Variants in HCRTR2 observed in about 807,000 individuals in gnomAD.
HCRTR2 encodes the protein hypocretin receptor 2.
Under a neutral mutation model 49.0 loss-of-function variants are expected in HCRTR2, and 22 were observed. The ratio of observed to expected loss-of-function variants is 0.45; its 90% CI spans 0.32 to 0.64. The LOEUF is 0.64. HCRTR2 is among the 30% of genes least tolerant of loss of function. HCRTR2 has a pLI of 0.04. For synonymous variants in HCRTR2, 236 were observed against 205.3 expected, an observed-to-expected ratio of 1.15 and a Z score of -1.28; for missense variants, 491 against 559.4, an observed-to-expected ratio of 0.88 and a Z score of 1.23.
chr6:55,249,676 G>T (rs1373315401), intron 2 of HCRTR2, among the ~76,000 whole-genome samples: 1 of 151,918 alleles, frequency 6.6e-6, no homozygotes, highest in East Asian at 1.9e-4. Flanking sequence ...CTATTTAATT[G>T]CCATTTCAGT....
intron 4 of HCRTR2, among the ~76,000 whole-genome samples, chr6:55,267,555 C>G (rs1419225593): frequency 6.6e-6 from 1 of 152,044 alleles, no homozygotes. Flanking sequence ...TCATATAATT[C>G]AACACTAAAT....
chr6:55,178,236 A>T (rs774643148), intron 1 of HCRTR2, among the ~76,000 whole-genome samples: 6 of 151,956 alleles, frequency 3.9e-5, no homozygotes, highest in Non-Finnish European at 7.4e-5. Context: ...AGGGAAAATG[A>T]TCAATTTTCT....
intron 6 of HCRTR2, among the ~76,000 whole-genome samples, chr6:55,281,870 T>C (rs1161345981): frequency 6.6e-6 from 1 of 152,164 alleles, no homozygotes; most frequent in East Asian, 1.9e-4. Context: ...TTCATTGTGT[T>C]TAATTATTAA....
intron 1 of HCRTR2, among the ~76,000 whole-genome samples, chr6:55,148,117 A>G (rs1187733835): frequency 2.0e-5 from 3 of 152,200 alleles, no homozygotes; most frequent in Non-Finnish European, 4.4e-5. Context: ...GGTTTATAGT[A>G]CCTTTATATA....
intron 1 of HCRTR2, among the ~76,000 whole-genome samples, chr6:55,243,658 C>G (rs532579278): frequency 6.6e-6 from 1 of 152,206 alleles, no homozygotes; most frequent in East Asian, 1.9e-4. Context: ...TCCATAGTTA[C>G]TGCAGAATGT....
At chr6:55,221,811 T>A (rs1375409065) in intron 1 of HCRTR2, among the ~76,000 whole-genome samples, 2 of 98,274 alleles carry the variant, frequency 2.0e-5, no homozygotes, top group African/African-American at 3.2e-5. Context: ...AGACTCCATC[T>A]CAAAAAAAAA....
chr6:55,251,299 A>G (rs996354980), intron 2 of HCRTR2, among the ~76,000 whole-genome samples: 1 of 152,156 alleles, frequency 6.6e-6, no homozygotes, highest in African/African-American at 2.4e-5. Context: ...CTTTAGATTT[A>G]TGAGTGATAT....
At chr6:55,160,029 A>G (rs1259231736) in intron 1 of HCRTR2, among the ~76,000 whole-genome samples, 1 of 152,156 alleles carries the variant, frequency 6.6e-6, no homozygotes, top group Non-Finnish European at 1.5e-5. Flanking sequence ...CCCAAGACAC[A>G]TAATTGTCAG....
intron 1 of HCRTR2, among the ~76,000 whole-genome samples, chr6:55,132,851 A>G (rs9464196): frequency 0.53 from 79,678 of 151,058 alleles, 21,850 homozygotes; most frequent in Non-Finnish European, 0.59. Flanking sequence ...ATCTTCATGA[A>G]TCATTCTTTG....
At chr6:55,265,238 C>G (rs1766839922) in intron 4 of HCRTR2, among the ~76,000 whole-genome samples, 1 of 152,120 alleles carries the variant, frequency 6.6e-6, no homozygotes, top group Admixed American at 6.6e-5. Flanking sequence ...TCTCCACCTC[C>G]CTATGAAGCC....
intron 1 of HCRTR2, among the ~76,000 whole-genome samples, chr6:55,183,637 G>A (rs952520056): frequency 6.6e-6 from 1 of 152,178 alleles, no homozygotes; most frequent in Non-Finnish European, 1.5e-5. Flanking sequence ...TACATGAGGG[G>A]AAAGACTAGT....
intron 1 of HCRTR2, among the ~76,000 whole-genome samples, chr6:55,149,499 G>A (rs1264003921): frequency 2.6e-5 from 4 of 152,052 alleles, no homozygotes; most frequent in African/African-American, 4.8e-5. Flanking sequence ...TATAAAGCAT[G>A]AGTACAAGAA....
intron 1 of HCRTR2, among the ~76,000 whole-genome samples, chr6:55,162,431 A>C (rs1191490235): frequency 1.3e-5 from 2 of 152,238 alleles, no homozygotes. Context: ...CTGGCACAAG[A>C]CAAGGATGCC....
At chr6:55,132,703 G>A (rs567694543) in intron 1 of HCRTR2, among the ~76,000 whole-genome samples, 1 of 151,036 alleles carries the variant, frequency 6.6e-6, no homozygotes, top group South Asian at 2.1e-4. Flanking sequence ...TGGGACAGTG[G>A]AGCCCTACTC....
At chr6:55,113,764 C>T (rs964791202) in intron 1 of HCRTR2, among the ~76,000 whole-genome samples, 10 of 151,866 alleles carry the variant, frequency 6.6e-5, no homozygotes, top group Non-Finnish European at 1.5e-4. Flanking sequence ...CAAAGTAGAC[C>T]TACCATTTGA....
chr6:55,234,370 G>GA (rs1431561770), intron 1 of HCRTR2, among the ~76,000 whole-genome samples: 2 of 151,994 alleles, frequency 1.3e-5, no homozygotes, highest in East Asian at 1.9e-4. Context: ...TACAATTTAA[G>GA]AAAAAATAGG....
chr6:55,238,353 T>G (rs549196276), intron 1 of HCRTR2, among the ~76,000 whole-genome samples: 11 of 152,320 alleles, frequency 7.2e-5, no homozygotes, highest in African/African-American at 2.6e-4. Flanking sequence ...ACTTGCTTTC[T>G]TGGAATTTTA....
intron 1 of HCRTR2, among the ~76,000 whole-genome samples, chr6:55,125,542 A>G (rs1430533761): frequency 2.6e-5 from 4 of 152,124 alleles, no homozygotes; most frequent in Admixed American, 6.6e-5. Flanking sequence ...GGCTGCCCTT[A>G]ACATTTTTTC....
chr6:55,179,857 A>G (rs140808251), intron 1 of HCRTR2, among the ~76,000 whole-genome samples: 5 of 152,170 alleles, frequency 3.3e-5, no homozygotes, highest in Middle Eastern at 3.2e-3. Flanking sequence ...AGCATCTCAA[A>G]GTCTCCATAT....
Sources: allele counts gnomAD v4.1 joint callset (sites outside exome capture counted in the v4.1 genomes callset), GRCh38; gene constraint gnomAD v4.1.1; transcripts MANE v1.5; gene names NCBI Gene and HGNC (gene_info 2026-07-23, HGNC 2026-07-21).